The following LRRC41 variants were observed in gnomAD, a reference collection of about 807,000 sequenced individuals.
The protein encoded by LRRC41 is leucine-rich repeat-containing protein 41.
LRRC41 carries 17 observed loss-of-function variants against 72.1 expected under a neutral mutation model. The ratio of observed to expected loss-of-function variants is 0.24; its 90% CI spans 0.16 to 0.35. LRRC41 has a LOEUF of 0.35. Among genes scored for constraint, LRRC41 ranks in the 10% least tolerant of loss-of-function variants. The pLI, the probability that LRRC41 is intolerant of heterozygous loss-of-function variation, is 1.00. For missense variants in LRRC41, 759 were observed against 1,065.0 expected (o/e 0.71, Z 4.00); for synonymous variants, 427 against 431.0 (o/e 0.99, Z 0.11).
In LRRC41 at chr1:46,278,575, G is replaced by T. The variant is rs1660693985; in HGVS notation, c.*290C>A. 9.9e-6 allele frequency: 6 copies of T among 608,038 alleles called. No individual in the cohort carries two copies. The highest frequency in any genetic ancestry group is 1.7e-5 in the Non-Finnish European group (6 of 346,084). 37.7% of individuals were successfully genotyped at this position (608,038 alleles called of 1,614,324 possible). On this transcript the variant is annotated 3_prime_UTR_variant, in exon 10 of 10. Transcript: ENST00000617190. Reference sequence around the variant, plus strand: ...GAGGAGGGAAGGCAGGAACCCAGGGGCAGGGGAGGGGATCTCTTCAGCAAT... The same window carrying T: ...GAGGAGGGAAGGCAGGAACCCAGGGTCAGGGGAGGGGATCTCTTCAGCAAT...
At chr1:46,297,657 G>C (rs1557719027) in intron 2 of LRRC41, 24 bp from the exon 3 acceptor site, 2 of 1,582,464 alleles carry the variant, frequency 1.3e-6, no homozygotes, top group South Asian at 1.1e-5. Flanking sequence ...TATCACACTT[G>C]GCTGCTTACT....
rs780384811 is a variant in LRRC41, at chr1:46,303,509, A to G, written c.-187T>C. 1 of 741,800 alleles carries G rather than the reference A, an allele frequency of 1.3e-6. No individual in the cohort carries two copies. Among genetic ancestry groups the G allele is most frequent in the African/African-American group, 1.8e-5 (1 of 56,356 alleles). 46.0% of individuals were successfully genotyped at this position (741,800 alleles called of 1,614,324 possible). A position where few individuals can be genotyped will look rare whatever the true frequency, so the allele number is the denominator to read the frequency against. On this transcript the variant is annotated 5_prime_UTR_variant, in exon 1 of 10. Coordinates refer to ENST00000617190, the MANE Select transcript of LRRC41 (RefSeq NM_006369.5). The stretch of plus-strand genomic sequence containing the variant: ...TTTTAGATAAACTCCTAGATCAATT[A>G]TACTTGGGTGTGGTATGACTAAGGG...
rs1569673415 is a variant in LRRC41, at chr1:46,302,904, G to T, written c.199+220C>A. 3.1e-6 allele frequency: 3 copies of T among 971,820 alleles called. No homozygotes were observed. The South Asian group carries it at 1.4e-4, about 47-fold the overall frequency. 60.2% of individuals were successfully genotyped at this position (971,820 alleles called of 1,614,324 possible). On this transcript the variant is annotated intron_variant, in intron 1 of 9. Coordinates refer to ENST00000617190, the MANE Select transcript of LRRC41 (RefSeq NM_006369.5). This position sits in a 1 kb window ranked among gnomAD's most constrained non-coding sequence, Gnocchi z 4.7. ...TCCTGGCCTCGCCCCCCGCGCCCCC[G>T]AGCCAGGCCGCGGTGCGGGTCAGCC... is the stretch of plus-strand genomic sequence containing the variant.
rs531349598 is a variant in LRRC41, at chr1:46,278,424, A to G, written c.*441T>C. On this transcript the variant is annotated 3_prime_UTR_variant, in exon 10 of 10. Transcript: ENST00000617190. The stretch of plus-strand genomic sequence containing the variant: ...ATGATGTTTGCCCAAAATTTATTTT[A>G]TAAGAAAAACTTTTTTGGTTAAAAA... The G allele has an allele frequency of 4.9e-6, 5 of 1,026,982 alleles. No homozygotes were observed. Among genetic ancestry groups the G allele is most frequent in the Non-Finnish European group, 7.2e-6 (5 of 692,090 alleles). The allele number at this position is 1,026,982 out of a possible 1,614,324, so 63.6% of individuals were successfully genotyped here.
At chr1:46,296,182 AGGTG>A (rs1661122331) in intron 3 of LRRC41, among the ~76,000 whole-genome samples, 1 of 152,158 alleles carries the variant, frequency 6.6e-6, no homozygotes, top group African/African-American at 2.4e-5. Context: ...TTGGAGGCCG[AGGTG>A]GGTGGATCAA....
At chr1:46,298,545 C>T in intron 1 of LRRC41, 175 bp from the exon 2 acceptor site, 2 of 469,268 alleles carry the variant, frequency 4.3e-6, no homozygotes, top group Non-Finnish European at 7.5e-6. Context: ...CACTTATCTT[C>T]AGCCACTCAG....
intron 3 of LRRC41, chr1:46,296,833 A>G (rs1056003929): frequency 1.3e-5 from 2 of 152,248 alleles, no homozygotes; most frequent in African/African-American, 4.8e-5. Context: ...CAGGTTAGCA[A>G]AAATGTATCT....
chr1:46,285,535 T>A lies in LRRC41; in HGVS notation c.1322A>T (p.Asp441Val), dbSNP rs1660866254. ...CCCCAGGCAGCTGGGATCTGATCCA[T>A]CCAAAGCTCCACAAGCCACTTCCCC... ...EIGEVACGAL[D>V]GSDPSCLGLP... Residue 441 changes from aspartate (D) to valine (V), a missense_variant, in exon 4 of 10, where the codon GAT becomes GTT. Physicochemically the swap from Asp to Val is radical, Grantham distance 152 (BLOSUM62 -3). Transcript: ENST00000617190. The surrounding 1 kb of genome is among the most constrained non-coding windows in gnomAD (Gnocchi z 5.3). The A allele has an allele frequency of 6.2e-7, 1 of 1,613,686 alleles. No homozygotes were observed. Among genetic ancestry groups the A allele is most frequent in the African/African-American group, 1.3e-5 (1 of 75,018 alleles).
chr1:46,280,965 G>A (rs1426780504), intron 5 of LRRC41, among the ~76,000 whole-genome samples, 160 bp downstream of exon 5: 1 of 152,222 alleles, frequency 6.6e-6, no homozygotes, highest in East Asian at 1.9e-4. Context: ...TCTAGCTCAA[G>A]AGTATCTTAG....
At position 46,286,483 on chromosome 1, in the gene LRRC41, C is replaced by T. The variant is rs947096262; in HGVS notation, c.374G>A (p.Arg125Gln). Reference protein sequence around the residue: ...PSSLESVTCWRAKFMEAFFSH... With the variant: ...PSSLESVTCWQAKFMEAFFSH... Reference sequence around the variant, plus strand: ...AAAAAAGGCCTCCATAAACTTGGCTCGCCAACATGTCACACTCTGAAACGC... The same window carrying T: ...AAAAAAGGCCTCCATAAACTTGGCTTGCCAACATGTCACACTCTGAAACGC... Residue 125 changes from arginine to glutamine, a missense_variant, in exon 4 of 10, where the codon CGA (arginine) becomes CAA (glutamine). Arg to Gln is a conservative substitution (Grantham distance 43). This residue lies in a region of LRRC41 where 116 missense variants were observed against 250.9 expected (regional missense o/e 0.46). Coordinates refer to ENST00000617190, the MANE Select transcript of LRRC41 (RefSeq NM_006369.5). This position sits in a 1 kb window ranked among gnomAD's most constrained non-coding sequence, Gnocchi z 5.5. 2.5e-6 allele frequency: 4 copies of T among 1,599,202 alleles called. No homozygotes were observed. The highest frequency in any genetic ancestry group is 1.3e-5 in the African/African-American group (1 of 74,308).
At chr1:46,280,642 T>C in intron 5 of LRRC41, 82 bp from the exon 6 acceptor site, 1 of 1,394,930 alleles carries the variant, frequency 7.2e-7, no homozygotes, top group Admixed American at 2.1e-5. Flanking sequence ...TCTTAAGGGA[T>C]TCATCTAAAA....
chr1:46,302,439 C>A lies in LRRC41; in HGVS notation c.199+685G>T. On this transcript the variant is annotated intron_variant, in intron 1 of 9. Transcript: ENST00000617190. This position sits in a 1 kb window ranked among gnomAD's most constrained non-coding sequence, Gnocchi z 4.7. ...CTGTCCTGCGGGTCGCACGGTCGCT[C>A]GGTCGCTTAGTCAGTTTGGCACCCG... 6 of 985,384 alleles carry A rather than the reference C, an allele frequency of 6.1e-6. No individual in the cohort carries two copies. The highest frequency in any genetic ancestry group is 7.2e-6 in the Non-Finnish European group (6 of 829,912). 61.0% of individuals were successfully genotyped at this position (985,384 alleles called of 1,614,324 possible).
At chr1:46,294,854 A>G (rs1461779626) in intron 3 of LRRC41, among the ~76,000 whole-genome samples, 1 of 152,068 alleles carries the variant, frequency 6.6e-6, no homozygotes, top group Non-Finnish European at 1.5e-5. Context: ...TGGCCTCTCA[A>G]AGTGCTGGCA....
chr1:46,296,673 G>T (rs909911726), intron 3 of LRRC41: 2 of 152,116 alleles, frequency 1.3e-5, no homozygotes. Context: ...AAGTCATCTT[G>T]TGCAACCCCT....
rs1401329974 is a variant in LRRC41, at chr1:46,297,342, T to C, written c.357+221A>G. 3.0e-5 allele frequency: 14 copies of C among 459,424 alleles called. No individual in the cohort carries two copies. The Admixed American group carries it at 4.8e-4, about 16-fold the overall frequency. 28.5% of individuals were successfully genotyped at this position (459,424 alleles called of 1,614,324 possible). On this transcript the variant is annotated intron_variant, in intron 3 of 9. Transcript: ENST00000617190. ...TGGCTCTGCCATCCATTGTGATCAC[T>C]AACTTTCCCTGTTTTGTGTCCCCTG...
Position 46,302,389 on chromosome 1 carries a change from C to T in LRRC41, c.199+735G>A. The T allele has an allele frequency of 2.0e-6, 2 of 985,314 alleles. No homozygotes were observed. The highest frequency in any genetic ancestry group is 2.4e-6 in the Non-Finnish European group (2 of 829,802). The allele number at this position is 985,314 out of a possible 1,614,324, so 61.0% of individuals were successfully genotyped here. A position where few individuals can be genotyped will look rare whatever the true frequency, so the allele number is the denominator to read the frequency against. The stretch of plus-strand genomic sequence containing the variant: ...TCCGGTCCCTCCTCGCCGCTCGAGC[C>T]GATCCGAGTGGCCTCCGGCGCTCCC... On this transcript the variant is annotated intron_variant, in intron 1 of 9. Transcript: ENST00000617190. The surrounding 1 kb of genome is among the most constrained non-coding windows in gnomAD (Gnocchi z 4.7).
At chr1:46,280,085 A>G in intron 7 of LRRC41, 107 bp downstream of exon 7, 1 of 817,268 alleles carries the variant, frequency 1.2e-6, no homozygotes, top group Non-Finnish European at 2.1e-6. Context: ...TCCATTTTAT[A>G]GCTGAGGACA....
At position 46,302,127 on chromosome 1, in the gene LRRC41, C is replaced by T; in HGVS notation, c.199+997G>A. 1.0e-6 allele frequency: 1 copy of T among 985,362 alleles called. No individual in the cohort carries two copies. The highest frequency in any genetic ancestry group is 1.2e-6 in the Non-Finnish European group (1 of 829,892). The allele number at this position is 985,362 out of a possible 1,614,324, so 61.0% of individuals were successfully genotyped here. A position where few individuals can be genotyped will look rare whatever the true frequency, so the allele number is the denominator to read the frequency against. ...CGGCCGTTCATCCCGGCGCCCCAGG[C>T]CGCCCTCCATCCAGGCCCGGCCCTT... is the stretch of plus-strand genomic sequence containing the variant. On this transcript the variant is annotated intron_variant, in intron 1 of 9. Coordinates refer to ENST00000617190, the MANE Select transcript of LRRC41 (RefSeq NM_006369.5). This position sits in a 1 kb window ranked among gnomAD's most constrained non-coding sequence, Gnocchi z 4.7.
intron 3 of LRRC41, among the ~76,000 whole-genome samples, chr1:46,289,180 C>G (rs940373499): frequency 2.0e-5 from 3 of 152,204 alleles, no homozygotes; most frequent in Non-Finnish European, 4.4e-5. Context: ...ACCCCAGACA[C>G]AACTGCAGTG....
Sources: gnomAD v4.1 joint callset for allele counts (sites outside exome capture counted in the v4.1 genomes callset) on GRCh38, gnomAD v4.1.1 for gene constraint, gnomAD v4.1.1 regional missense constraint, Gnocchi (gnomAD v3.1) non-coding constraint, MANE v1.5 for transcripts, NCBI Gene and HGNC (gene_info 2026-07-23, HGNC 2026-07-21) for gene names.